The following EDN1 variants were observed in gnomAD, a reference collection of about 807,000 sequenced individuals.
EDN1 encodes endothelin 1.
A neutral mutation model predicts 21.7 loss-of-function variants in EDN1; 11 were observed. The observed-to-expected ratio is 0.51, with a 90% confidence interval of 0.32 to 0.84. The LOEUF (loss-of-function observed/expected upper bound fraction) is 0.84, where lower values mean the gene tolerates loss of function less well. Ranked by LOEUF, EDN1 falls within the 40% of genes least tolerant of loss-of-function variation. EDN1 has a pLI of 0.03. For missense variants in EDN1, 244 were observed against 262.3 expected (o/e 0.93, Z 0.48); for synonymous variants, 85 against 90.6 (o/e 0.94, Z 0.35).
At chr6:12,234,688 C>T in the EDN1 span, among the ~76,000 whole-genome samples, 1 of 152,158 alleles carries the variant, frequency 6.6e-6, no homozygotes, top group African/African-American at 2.4e-5. Flanking sequence ...TGGCTGCAAA[C>T]CCAACCAGAA....
At chr6:12,234,279 A>G in the EDN1 span, among the ~76,000 whole-genome samples, 1 of 152,110 alleles carries the variant, frequency 6.6e-6, no homozygotes, top group African/African-American at 2.4e-5. Context: ...GGATCTGAAA[A>G]CTGACTCCCA....
the EDN1 span, among the ~76,000 whole-genome samples, chr6:12,268,933 T>C: frequency 6.6e-6 from 1 of 152,148 alleles, no homozygotes; most frequent in Non-Finnish European, 1.5e-5. Context: ...GTATGGACAT[T>C]TTAACAATAT....
At chr6:12,292,623 C>G (rs1401122508) in intron 2 of EDN1, 114 bp downstream of exon 2, 1 of 1,247,144 alleles carries the variant, frequency 8.0e-7, no homozygotes, top group Non-Finnish European at 1.2e-6. Context: ...CTAACACCAT[C>G]CAAGTGCCTC....
chr6:12,283,152 TA>T, the EDN1 span, among the ~76,000 whole-genome samples: 4 of 152,194 alleles, frequency 2.6e-5, no homozygotes, highest in Admixed American at 2.6e-4. Context: ...CATTTTCAAA[TA>T]AAAACAAATG....
intron 2 of EDN1, 60 bp downstream of exon 2, chr6:12,292,569 C>G: frequency 6.3e-7 from 1 of 1,599,634 alleles, no homozygotes; most frequent in Admixed American, 1.7e-5. Flanking sequence ...CCACTGGAGC[C>G]CAGTTTTAGA....
At chr6:12,242,062 G>C in the EDN1 span, among the ~76,000 whole-genome samples, 1 of 152,228 alleles carries the variant, frequency 6.6e-6, no homozygotes, top group African/African-American at 2.4e-5. Flanking sequence ...ATTCAGCTTT[G>C]AAAGAATTTC....
the EDN1 span, among the ~76,000 whole-genome samples, chr6:12,270,470 T>C: frequency 6.6e-6 from 1 of 152,156 alleles, no homozygotes; most frequent in Non-Finnish European, 1.5e-5. Context: ...TTTTGGTATA[T>C]TGTATTTCCA....
chr6:12,291,120 T>G (rs954944541), intron 1 of EDN1, among the ~76,000 whole-genome samples: 2 of 152,266 alleles, frequency 1.3e-5, no homozygotes, highest in South Asian at 4.1e-4. Flanking sequence ...TATTTAAGCA[T>G]TCCAGCTTGA....
chr6:12,283,037 T>G, the EDN1 span, among the ~76,000 whole-genome samples: 1 of 152,202 alleles, frequency 6.6e-6, no homozygotes, highest in South Asian at 2.1e-4. Context: ...CTATCCCAAA[T>G]GGTTTTTCTT....
the EDN1 span, among the ~76,000 whole-genome samples, chr6:12,265,070 A>G: frequency 1.6e-3 from 247 of 152,324 alleles, no homozygotes; most frequent in African/African-American, 5.4e-3. Context: ...AGGATTGCAG[A>G]GTCAGAGATG....
the EDN1 span, among the ~76,000 whole-genome samples, chr6:12,258,278 C>T: frequency 7.3e-6 from 1 of 137,256 alleles, no homozygotes; most frequent in Non-Finnish European, 1.6e-5. Flanking sequence ...ATAGTGAGAC[C>T]TCCATCTTTA....
chr6:12,248,946 T>A, the EDN1 span, among the ~76,000 whole-genome samples: 20,402 of 152,264 alleles, frequency 0.13, 1,518 homozygotes, highest in Middle Eastern at 0.28. Context: ...TTTGGCAATT[T>A]TGGGTTTGAT....
chr6:12,243,025 C>G, the EDN1 span, among the ~76,000 whole-genome samples: 1 of 152,076 alleles, frequency 6.6e-6, no homozygotes, highest in Non-Finnish European at 1.5e-5. Context: ...AGTCAAAAAT[C>G]CACAGATAAC....
the EDN1 span, among the ~76,000 whole-genome samples, chr6:12,235,741 A>G: frequency 1.3e-5 from 2 of 152,254 alleles, no homozygotes; most frequent in Non-Finnish European, 2.9e-5. Flanking sequence ...TGTGCTCTGC[A>G]GTGGCCATAG....
chr6:12,253,197 G>T, the EDN1 span, among the ~76,000 whole-genome samples: 2 of 152,138 alleles, frequency 1.3e-5, no homozygotes, highest in Non-Finnish European at 2.9e-5. Flanking sequence ...CTCCCAATGA[G>T]CAATGAAATT....
the EDN1 span, among the ~76,000 whole-genome samples, chr6:12,279,727 GA>G: frequency 2.6e-5 from 4 of 152,308 alleles, no homozygotes; most frequent in East Asian, 7.7e-4. Context: ...ACTATCTGGT[GA>G]AATGAAAATG....
chr6:12,266,087 GATGAGGC>G, the EDN1 span, among the ~76,000 whole-genome samples: 1 of 152,176 alleles, frequency 6.6e-6, no homozygotes, highest in South Asian at 2.1e-4. Flanking sequence ...GGGAAGATGT[GATGAGGC>G]ATAGAAGCTG....
At chr6:12,255,779 A>G in the EDN1 span, among the ~76,000 whole-genome samples, 1 of 152,240 alleles carries the variant, frequency 6.6e-6, no homozygotes, top group African/African-American at 2.4e-5. Flanking sequence ...TAACATCTTC[A>G]TTTTTATAGG....
the EDN1 span, among the ~76,000 whole-genome samples, chr6:12,278,105 C>A: frequency 6.6e-6 from 1 of 152,146 alleles, no homozygotes; most frequent in Non-Finnish European, 1.5e-5. Flanking sequence ...AAGAAAATTA[C>A]TTGCTTTGAA....
Sources: gnomAD v4.1 joint callset for allele counts (sites outside exome capture counted in the v4.1 genomes callset) on GRCh38, gnomAD v4.1.1 for gene constraint, MANE v1.5 for transcripts, NCBI Gene and HGNC (gene_info 2026-07-23, HGNC 2026-07-21) for gene names.